CEP57L1: variants seen among roughly 807,000 people sequenced by gnomAD.
The protein encoded by CEP57L1 is centrosomal protein 57 like 1.
A neutral mutation model predicts 61.0 loss-of-function variants in CEP57L1; 37 were observed. The observed-to-expected ratio is 0.61, with a 90% CI of 0.47 to 0.80. The LOEUF is 0.80. CEP57L1 is among the 30% of genes least tolerant of loss of function. The probability of loss-of-function intolerance (pLI) is 0.00; values close to 1 mark genes in which losing one functional copy is unlikely to be tolerated. For missense variants in CEP57L1, 422 were observed against 524.7 expected (o/e 0.80, Z 1.91); for synonymous variants, 137 against 162.3 (o/e 0.84, Z 1.19).
At chr6:109,143,459 G>T (rs1771633953) in intron 1 of CEP57L1, among the ~76,000 whole-genome samples, 1 of 152,088 alleles carries the variant, frequency 6.6e-6, no homozygotes, top group South Asian at 2.1e-4. Flanking sequence ...GAATCTCTGA[G>T]CTCTGTGTCA....
chr6:109,129,490 A>G, intron 1 of CEP57L1: 1 of 469,486 alleles, frequency 2.1e-6, no homozygotes, highest in Non-Finnish European at 4.2e-6. Context: ...TTCCCAGATG[A>G]AGGTAGAGTA....
chr6:109,137,002 C>T (rs1188220172), intron 1 of CEP57L1, among the ~76,000 whole-genome samples: 1 of 152,086 alleles, frequency 6.6e-6, no homozygotes, highest in Non-Finnish European at 1.5e-5. Context: ...ATCCGCCCAC[C>T]TCCGCCTCCC....
chr6:109,097,654 A>T (rs1346762726), intron 1 of CEP57L1, among the ~76,000 whole-genome samples: 1 of 152,216 alleles, frequency 6.6e-6, no homozygotes, highest in African/African-American at 2.4e-5. Context: ...TACTGAGGAG[A>T]GATAATAAAT....
intron 1 of CEP57L1, chr6:109,100,150 G>C (rs1027925309): frequency 6.6e-6 from 1 of 152,148 alleles, no homozygotes; most frequent in Non-Finnish European, 1.5e-5. Flanking sequence ...GAACTACTGT[G>C]CTTGTTTTTG....
intron 10 of CEP57L1, among the ~76,000 whole-genome samples, chr6:109,161,944 C>G (rs148533043): frequency 6.6e-6 from 1 of 152,154 alleles, no homozygotes; most frequent in Non-Finnish European, 1.5e-5. Flanking sequence ...TAGACCTATG[C>G]TCAAGTGAAA....
intron 7 of CEP57L1, 161 bp from the exon 8 acceptor site, chr6:109,158,864 G>T (rs536314497): frequency 9.0e-5 from 59 of 652,074 alleles, no homozygotes; most frequent in Non-Finnish European, 6.1e-5. Flanking sequence ...ATATCTTTTC[G>T]TATGTTTGTC....
At position 109,162,371 on chromosome 6, in the gene CEP57L1, T is replaced by TTA. The variant is rs149818611; in HGVS notation, c.1162-373_1162-372dup. ...CTCTAGTTTTTACCAGTTTAATATCTTATATACAACCTTTCCCTCAATCTC... is the reference window on the plus strand; with the variant it reads ...CTCTAGTTTTTACCAGTTTAATATCTTATATATACAACCTTTCCCTCAATCTC... On this transcript the variant is annotated intron_variant, in intron 10 of 10. Coordinates refer to ENST00000517392, the MANE Select transcript of CEP57L1 (RefSeq NM_001271852.3). 7.5e-3 allele frequency among the ~76,000 whole-genome samples: 1,139 copies of TTA among 152,158 alleles called. 17 individuals are homozygous for TTA. Among genetic ancestry groups the TTA allele is most frequent in the African/African-American group, 0.026 (1,091 of 41,552 alleles).
chr6:109,135,985 A>G (rs1252788905), intron 1 of CEP57L1, among the ~76,000 whole-genome samples: 1 of 152,200 alleles, frequency 6.6e-6, no homozygotes, highest in African/African-American at 2.4e-5. Context: ...AACTAGTTCA[A>G]CCATTGTGGA....
intron 1 of CEP57L1, among the ~76,000 whole-genome samples, chr6:109,096,204 A>G (rs781604357): frequency 6.6e-6 from 1 of 152,258 alleles, no homozygotes; most frequent in Non-Finnish European, 1.5e-5. Context: ...AACGGCCATC[A>G]GTGGACTGAT....
chr6:109,126,093 A>T (rs1019321705), intron 1 of CEP57L1, among the ~76,000 whole-genome samples: 3 of 152,166 alleles, frequency 2.0e-5, no homozygotes, highest in Non-Finnish European at 2.9e-5. Flanking sequence ...GTTTCAGAGG[A>T]TTTATTTTTA....
intron 1 of CEP57L1, among the ~76,000 whole-genome samples, chr6:109,102,138 TC>T (rs1715836114): frequency 6.6e-6 from 1 of 152,234 alleles, no homozygotes; most frequent in South Asian, 2.1e-4. Flanking sequence ...TGCCTGTGTA[TC>T]ATGTTTGGTG....
At chr6:109,115,117 G>A (rs918094483) in intron 1 of CEP57L1, among the ~76,000 whole-genome samples, 3 of 151,978 alleles carry the variant, frequency 2.0e-5, no homozygotes, top group African/African-American at 7.2e-5. Flanking sequence ...TTTTGTAAAA[G>A]TTATACATTA....
chr6:109,129,458 G>GAAACA (rs1444989085), intron 1 of CEP57L1: 1 of 552,902 alleles, frequency 1.8e-6, no homozygotes, highest in African/African-American at 1.9e-5. Flanking sequence ...TCCTCAGAAA[G>GAAACA]AAACAAAACA....
chr6:109,124,261 C>T (rs1458903475), intron 1 of CEP57L1, among the ~76,000 whole-genome samples: 1 of 152,164 alleles, frequency 6.6e-6, no homozygotes, highest in East Asian at 1.9e-4. Context: ...AGGATAAAAT[C>T]TAAACACCTG....
At chr6:109,110,961 A>G (rs1198234568) in intron 1 of CEP57L1, among the ~76,000 whole-genome samples, 1 of 152,184 alleles carries the variant, frequency 6.6e-6, no homozygotes, top group African/African-American at 2.4e-5. Context: ...AGGTAACATG[A>G]TGCCTCCAGC....
At chr6:109,119,886 C>G (rs1772752990) in intron 1 of CEP57L1, among the ~76,000 whole-genome samples, 1 of 152,104 alleles carries the variant, frequency 6.6e-6, no homozygotes, top group South Asian at 2.1e-4. Flanking sequence ...TTAAGAAACA[C>G]TGGATATAAT....
chr6:109,167,698 G>T lies in CEP57L1; in HGVS notation c.*4728G>T, dbSNP rs546641999. On this transcript the variant is annotated 3_prime_UTR_variant, in exon 11 of 11. Transcript: ENST00000517392. ...CCTCAAAGCAAAAAAAAAAAGAAAA[G>T]AAAAGAAAAAAGGAATAGCCCAGTA... 6.7e-6 allele frequency among the ~76,000 whole-genome samples: 1 copy of T among 150,136 alleles called. No individual in the cohort carries two copies. The highest frequency in any genetic ancestry group is 1.5e-5 in the Non-Finnish European group (1 of 67,552).
At chr6:109,141,760 T>C (rs1433979297) in intron 1 of CEP57L1, among the ~76,000 whole-genome samples, 4 of 151,974 alleles carry the variant, frequency 2.6e-5, no homozygotes, top group African/African-American at 9.7e-5. Context: ...TACTATACAT[T>C]AAAAAATAAA....
rs897353548 is a variant in CEP57L1 at position 109,145,466 on chromosome 6, T to C, written c.160+85T>C. The C allele has an allele frequency of 1.2e-5, 11 of 907,166 alleles. No homozygotes were observed. In the African/African-American group the frequency reaches 1.7e-4, roughly 14 times the overall value. 56.2% of individuals were successfully genotyped at this position (907,166 alleles called of 1,614,324 possible). ...TTATGTGGAATACAATATGATTGCATATTTAATCTTAACAAAACTCCTAAC... is the reference window on the plus strand; with the variant it reads ...TTATGTGGAATACAATATGATTGCACATTTAATCTTAACAAAACTCCTAAC... On this transcript the variant is annotated intron_variant, in intron 2 of 10. Transcript: ENST00000517392.
Sources: allele counts gnomAD v4.1 joint callset (sites outside exome capture counted in the v4.1 genomes callset), GRCh38; gene constraint gnomAD v4.1.1; transcripts MANE v1.5; gene names NCBI Gene and HGNC (gene_info 2026-07-23, HGNC 2026-07-21).